JAK2: variants seen among roughly 807,000 people sequenced by gnomAD.
JAK2 encodes Janus kinase 2, also known as tyrosine-protein kinase JAK2.
JAK2 carries 86 observed loss-of-function variants against 139.3 expected under a neutral mutation model. That is an observed-to-expected ratio of 0.62 (90% confidence interval 0.52 to 0.74). The LOEUF is 0.74. JAK2 is among the 30% of genes least tolerant of loss of function. The probability of loss-of-function intolerance (pLI) is 0.00; values close to 1 mark genes in which losing one functional copy is unlikely to be tolerated. For synonymous variants in JAK2, 490 were observed against 437.7 expected (o/e 1.12, Z -1.49); for missense variants, 1,421 against 1,360.3 (o/e 1.04, Z -0.70).
intron 2 of JAK2, among the ~76,000 whole-genome samples, chr9:4,987,965 C>A (rs926874043): frequency 6.6e-6 from 1 of 152,036 alleles, no homozygotes; most frequent in African/African-American, 2.4e-5. Flanking sequence ...TTCCTCCTTT[C>A]TAGTATAAAG....
intron 22 of JAK2, among the ~76,000 whole-genome samples, chr9:5,092,544 C>G (rs1412180167): frequency 6.6e-6 from 1 of 151,940 alleles, no homozygotes; most frequent in Non-Finnish European, 1.5e-5. Context: ...TTACCTTAGA[C>G]AAAAGAATAG....
chr9:5,005,083 ATTTTTTTTTTTTTTTTTTTTTTTTTTTTT>A lies in JAK2; in HGVS notation c.-25-16859_-25-16831del, dbSNP rs527982744. Among the ~76,000 whole-genome samples the A allele has an allele frequency of 3.0e-4, 12 of 40,034 alleles. No individual in the cohort carries two copies. In the South Asian group the frequency reaches 6.2e-3, roughly 21 times the overall value. 26.3% of individuals were successfully genotyped at this position (40,034 alleles called of 152,430 possible). A position where few individuals can be genotyped will look rare whatever the true frequency, so the allele number is the denominator to read the frequency against. ...AGGCATGTGCCAGCATGCCTGGCTA[ATTTTTTTTTTTTTTTTTTTTTTTTTTTTT>A]TTTTTTTTTTTTTTTTTTTTAGGTA... On this transcript the variant is annotated intron_variant, in intron 2 of 24. Coordinates refer to ENST00000381652, the MANE Select transcript of JAK2 (RefSeq NM_004972.4).
At position 5,061,405 on chromosome 9, in the gene JAK2, A is replaced by G. The variant is rs12351277; in HGVS notation, c.1057-3478A>G. 6.0e-3 allele frequency among the ~76,000 whole-genome samples: 920 copies of G among 152,164 alleles called. 5 individuals carry two copies. The highest frequency in any genetic ancestry group is 0.02 in the African/African-American group (845 of 41,522). On this transcript the variant is annotated intron_variant, in intron 8 of 24. Coordinates refer to ENST00000381652, the MANE Select transcript of JAK2 (RefSeq NM_004972.4). ...GTCACCATCTTCATCAATGGTCCTT[A>G]CTAGATCTTCTGGATAACTTGCTGT...
At chr9:5,119,851 TTTA>T (rs1430669336) in intron 22 of JAK2, among the ~76,000 whole-genome samples, 3 of 152,330 alleles carry the variant, frequency 2.0e-5, no homozygotes, top group East Asian at 3.9e-4. Flanking sequence ...AGCATATAGT[TTTA>T]TTTTTATATT....
At chr9:5,040,967 A>G in intron 4 of JAK2, 1 of 569,098 alleles carries the variant, frequency 1.8e-6, no homozygotes, top group Non-Finnish European at 3.3e-6. Context: ...TATACAAACA[A>G]ATATGTGGCT....
intron 2 of JAK2, among the ~76,000 whole-genome samples, chr9:5,010,272 C>G (rs1821605431): frequency 6.6e-6 from 1 of 151,752 alleles, no homozygotes; most frequent in Non-Finnish European, 1.5e-5. Flanking sequence ...ACTTTTATAT[C>G]TATTTTAAGC....
intron 22 of JAK2, among the ~76,000 whole-genome samples, chr9:5,096,399 C>T (rs1053717959): frequency 6.6e-6 from 1 of 152,146 alleles, no homozygotes; most frequent in Non-Finnish European, 1.5e-5. Flanking sequence ...TTTAATTAAG[C>T]TAAGTCCTTG....
intron 13 of JAK2, 89 bp downstream of exon 13, chr9:5,072,715 T>C: frequency 1.0e-6 from 1 of 990,690 alleles, no homozygotes; most frequent in Non-Finnish European, 1.4e-6. Flanking sequence ...TGTGCAGCTT[T>C]TCAAAATTGT....
At chr9:5,077,113 A>T (rs746455292) in intron 14 of JAK2, among the ~76,000 whole-genome samples, 1 of 151,792 alleles carries the variant, frequency 6.6e-6, no homozygotes, top group Non-Finnish European at 1.5e-5. Flanking sequence ...AATGTCTAAA[A>T]AGTTATGTGG....
At chr9:5,070,946 T>G (rs1818917876) in intron 12 of JAK2, among the ~76,000 whole-genome samples, 1 of 152,130 alleles carries the variant, frequency 6.6e-6, no homozygotes. Flanking sequence ...ACCAGGACAC[T>G]TAAGTAAATA....
intron 23 of JAK2, chr9:5,126,039 A>T (rs546660995): frequency 2.8e-5 from 6 of 217,278 alleles, no homozygotes; most frequent in Non-Finnish European, 5.4e-5. Context: ...TGATAAAAAT[A>T]TGAGTTTTTT....
chr9:5,072,060 C>T (rs902559969), intron 12 of JAK2, among the ~76,000 whole-genome samples: 2 of 152,132 alleles, frequency 1.3e-5, no homozygotes, highest in Admixed American at 1.3e-4. Context: ...ACGACAGCTG[C>T]AGCACAGAGA....
intron 22 of JAK2, chr9:5,094,483 G>A (rs958465870): frequency 5.3e-5 from 8 of 152,026 alleles, no homozygotes; most frequent in African/African-American, 1.7e-4. Flanking sequence ...ACGAGCTGTG[G>A]CCCAGACAAT....
intron 5 of JAK2, among the ~76,000 whole-genome samples, chr9:5,046,273 T>A (rs986603249): frequency 1.3e-5 from 2 of 152,184 alleles, no homozygotes; most frequent in African/African-American, 4.8e-5. Context: ...TGTTTGTTTG[T>A]TGTTATATTA....
In JAK2 at chr9:5,080,635, C is replaced by A. The variant is rs1819621238; in HGVS notation, c.2386C>A (p.Pro796Thr). 22 of 1,596,700 alleles carry A rather than the reference C, an allele frequency of 1.4e-5. No individual in the cohort carries two copies. The highest frequency in any genetic ancestry group is 1.8e-5 in the Non-Finnish European group (21 of 1,173,754). ...TATGGATTATGAACCAGATTTCAGG[C>A]CTTCTTTCAGAGCCATCATACGAGA... ...NCMDYEPDFR[P>T]SFRAIIRDLN... The change falls in exon 18 of 25, where the codon CCT becomes ACT. Residue 796 changes from proline (P) to threonine (T), a missense_variant. Pro to Thr is a conservative substitution (Grantham distance 38). Coordinates refer to ENST00000381652, the MANE Select transcript of JAK2 (RefSeq NM_004972.4).
At chr9:5,008,989 C>CT (rs1055757310) in intron 2 of JAK2, among the ~76,000 whole-genome samples, 26 of 152,146 alleles carry the variant, frequency 1.7e-4, no homozygotes, top group African/African-American at 6.0e-4. Flanking sequence ...GAGTTTGATC[C>CT]TTTGAGTCGT....
At chr9:5,119,765 T>G (rs1012852541) in intron 22 of JAK2, among the ~76,000 whole-genome samples, 19 of 152,174 alleles carry the variant, frequency 1.2e-4, no homozygotes, top group Non-Finnish European at 2.5e-4. Flanking sequence ...TAACTTATTT[T>G]TCCTCATGAT....
At chr9:5,041,866 C>A in intron 4 of JAK2, 1 of 457,878 alleles carries the variant, frequency 2.2e-6, no homozygotes. Flanking sequence ...GACCCCATGG[C>A]CGGCCACTCC....
intron 22 of JAK2, chr9:5,094,252 C>G (rs1011524761): frequency 1.3e-5 from 2 of 152,190 alleles, no homozygotes; most frequent in African/African-American, 2.4e-5. Context: ...ACCAGAGAAC[C>G]CTTACGACCC....
Sources: allele counts gnomAD v4.1 joint callset (sites outside exome capture counted in the v4.1 genomes callset), GRCh38; gene constraint gnomAD v4.1.1; transcripts MANE v1.5; gene names NCBI Gene and HGNC (gene_info 2026-07-23, HGNC 2026-07-21).